Variants in MAST4 observed in about 807,000 individuals in gnomAD.
MAST4 encodes the protein microtubule associated serine/threonine kinase family member 4, also known as microtubule-associated serine/threonine-protein kinase 4.
Under a neutral mutation model 162.7 loss-of-function variants are expected in MAST4, and 89 were observed. The ratio of observed to expected loss-of-function variants is 0.55; its 90% CI spans 0.46 to 0.65. The LOEUF (loss-of-function observed/expected upper bound fraction) is 0.65. MAST4 is among the 30% of genes least tolerant of loss of function. The pLI is 0.00. For synonymous variants in MAST4, 1,479 were observed against 1,361.1 expected, an observed-to-expected ratio of 1.09 and a Z score of -1.91; for missense variants, 3,153 against 3,374.0, an observed-to-expected ratio of 0.93 and a Z score of 1.62.
rs375172400 is a variant in MAST4, at chr5:67,136,601, C to T, written c.2431C>T (p.Pro811Ser). Residue 811 changes from proline to serine, a missense_variant, in exon 19 of 29, where the codon CCT becomes TCT. Pro to Ser is a moderately conservative substitution (Grantham distance 74). Transcript: ENST00000403625. ...GCCTGAGAAGGATGAGGCACCCCCA[C>T]CTGATGCCCAGGATCTGATTACCTT... ...NWPEKDEAPP[P>S]DAQDLITLLL... is the part of the protein sequence containing the mutation. 40 of 1,607,114 alleles carry T rather than the reference C, an allele frequency of 2.5e-5. No individual in the cohort carries two copies. Among genetic ancestry groups the T allele is most frequent in the African/African-American group, 9.4e-5 (7 of 74,844 alleles).
chr5:66,643,621 T>C (rs1745627180), intron 1 of MAST4, among the ~76,000 whole-genome samples: 2 of 152,134 alleles, frequency 1.3e-5, no homozygotes, highest in South Asian at 4.1e-4. Context: ...TTCTCTTTGG[T>C]TTCAGCTGTT....
At chr5:66,991,894 CTG>C (rs1183360009) in intron 4 of MAST4, among the ~76,000 whole-genome samples, 1 of 152,152 alleles carries the variant, frequency 6.6e-6, no homozygotes, top group African/African-American at 2.4e-5. Context: ...CTGCTTTTTT[CTG>C]TGTGTTTTGC....
intron 1 of MAST4, among the ~76,000 whole-genome samples, chr5:66,720,569 T>A (rs1751137918): frequency 6.6e-6 from 1 of 152,180 alleles, no homozygotes; most frequent in South Asian, 2.1e-4. Flanking sequence ...ATCCATCTTA[T>A]TTCCTATGTT....
intron 4 of MAST4, among the ~76,000 whole-genome samples, chr5:66,981,697 C>G (rs1748861364): frequency 6.6e-6 from 1 of 152,136 alleles, no homozygotes; most frequent in Admixed American, 6.5e-5. Context: ...ACAGAGAATG[C>G]AGACTAGGGC....
chr5:66,715,041 G>C (rs999783750), intron 1 of MAST4, among the ~76,000 whole-genome samples: 6 of 152,188 alleles, frequency 3.9e-5, no homozygotes, highest in Non-Finnish European at 7.3e-5. Flanking sequence ...AAGAGGCACT[G>C]GGCCCATGGA....
chr5:67,081,101 GTATATATTA>G (rs1762606474), intron 5 of MAST4, among the ~76,000 whole-genome samples: 1 of 111,618 alleles, frequency 9.0e-6, no homozygotes. Flanking sequence ...ATATATAATT[GTATATATTA>G]TATATTTTTT....
At chr5:66,928,287 C>T (rs569813663) in intron 4 of MAST4, among the ~76,000 whole-genome samples, 10 of 152,320 alleles carry the variant, frequency 6.6e-5, no homozygotes, top group African/African-American at 1.9e-4. Flanking sequence ...AATGTCTCCT[C>T]TTTTCTTACT....
intron 1 of MAST4, among the ~76,000 whole-genome samples, chr5:66,637,711 C>CT (rs1353553134): frequency 5.3e-5 from 8 of 151,788 alleles, no homozygotes; most frequent in African/African-American, 9.7e-5. Flanking sequence ...CTTTTTCTTT[C>CT]TTTTTTTCTT....
chr5:66,983,042 C>G (rs775085002), intron 4 of MAST4, among the ~76,000 whole-genome samples: 4 of 152,176 alleles, frequency 2.6e-5, no homozygotes, highest in Non-Finnish European at 5.9e-5. Context: ...ATTTAGGAAG[C>G]TAAGTGGTGA....
intron 4 of MAST4, among the ~76,000 whole-genome samples, chr5:66,900,197 T>G (rs1286911531): frequency 6.6e-6 from 1 of 152,096 alleles, no homozygotes; most frequent in African/African-American, 2.4e-5. Flanking sequence ...AAATGTATAT[T>G]TATTCCTCGG....
chr5:66,866,743 A>G (rs1318304060), intron 3 of MAST4, among the ~76,000 whole-genome samples: 1 of 151,966 alleles, frequency 6.6e-6, no homozygotes, highest in Non-Finnish European at 1.5e-5. Context: ...ACTCTTTTTT[A>G]TGTTGTTGCT....
chr5:67,154,819 T>G (rs1434534604), intron 26 of MAST4, among the ~76,000 whole-genome samples: 1 of 152,210 alleles, frequency 6.6e-6, no homozygotes, highest in Non-Finnish European at 1.5e-5. Context: ...ACAAGGGATT[T>G]AATTATCTTC....
At chr5:66,960,831 C>G (rs1000348198) in intron 4 of MAST4, among the ~76,000 whole-genome samples, 1 of 152,082 alleles carries the variant, frequency 6.6e-6, no homozygotes, top group African/African-American at 2.4e-5. Context: ...GTCAAACATT[C>G]CATTTTATGA....
At chr5:66,698,591 A>G (rs1025975158) in intron 1 of MAST4, among the ~76,000 whole-genome samples, 1 of 152,108 alleles carries the variant, frequency 6.6e-6, no homozygotes, top group Non-Finnish European at 1.5e-5. Context: ...TCAACTCTAA[A>G]TACTGCCTGT....
chr5:66,928,561 C>A (rs1765072903), intron 4 of MAST4, among the ~76,000 whole-genome samples: 1 of 152,126 alleles, frequency 6.6e-6, no homozygotes. Flanking sequence ...CAAATAAATA[C>A]CATCTCTACT....
intron 4 of MAST4, among the ~76,000 whole-genome samples, chr5:66,987,431 C>T (rs956668932): frequency 2.0e-5 from 1 of 50,984 alleles, no homozygotes. Context: ...ATTATAATAC[C>T]CTTTTTTTTG....
Position 67,136,633 on chromosome 5 carries a change from C to T in MAST4, c.2463C>T (p.Leu821=). The change falls in exon 19 of 29, where the codon CTC becomes CTT. Residue 821 remains leucine (L), a synonymous_variant. Coordinates refer to ENST00000403625, the MANE Select transcript of MAST4 (RefSeq NM_001164664.2). The part of the protein sequence containing the change: ...PDAQDLITLL[L]RQNPLERLGT... ...CCCAGGATCTGATTACCTTACTCCTCAGGCAGAATCCCCTGGAGAGGCTGG... is the reference window on the plus strand; with the variant it reads ...CCCAGGATCTGATTACCTTACTCCTTAGGCAGAATCCCCTGGAGAGGCTGG... 1 of 1,603,048 alleles carries T rather than the reference C, an allele frequency of 6.2e-7. No individual in the cohort carries two copies. Among genetic ancestry groups the T allele is most frequent in the Non-Finnish European group, 8.5e-7 (1 of 1,174,562 alleles).
chr5:66,640,810 T>C (rs946055556), intron 1 of MAST4, among the ~76,000 whole-genome samples: 1 of 152,244 alleles, frequency 6.6e-6, no homozygotes, highest in Non-Finnish European at 1.5e-5. Context: ...ACTCTCATAC[T>C]GTTTTTCATA....
intron 4 of MAST4, among the ~76,000 whole-genome samples, chr5:66,937,367 T>G (rs1742858965): frequency 6.6e-6 from 1 of 152,168 alleles, no homozygotes; most frequent in Non-Finnish European, 1.5e-5. Flanking sequence ...TTCCCATCTC[T>G]GAATCTCCAA....
Sources: allele counts gnomAD v4.1 joint callset (sites outside exome capture counted in the v4.1 genomes callset), GRCh38; gene constraint gnomAD v4.1.1; transcripts MANE v1.5; gene names NCBI Gene and HGNC (gene_info 2026-07-23, HGNC 2026-07-21).